The following WSB1 variants were observed in gnomAD, a reference collection of about 807,000 sequenced individuals.
The protein encoded by WSB1 is WD repeat and SOCS box containing 1, also known as WD repeat and SOCS box-containing protein 1.
WSB1 carries 23 observed loss-of-function variants against 50.2 expected under a neutral mutation model. The observed-to-expected ratio is 0.46, with a 90% CI of 0.33 to 0.65. WSB1 has a LOEUF of 0.65. Ranked by LOEUF, WSB1 falls within the 30% of genes least tolerant of loss-of-function variation. The pLI is 0.02. For synonymous variants in WSB1, 179 were observed against 172.0 expected (o/e 1.04, Z -0.32); for missense variants, 492 against 522.3 (o/e 0.94, Z 0.56).
chr17:27,309,918 A>C, intron 6 of WSB1, 143 bp from the exon 7 acceptor site: 1 of 627,580 alleles, frequency 1.6e-6, no homozygotes, highest in Non-Finnish European at 2.8e-6. Flanking sequence ...TTTAATTTGG[A>C]TGTATCATCT....
At position 27,312,357 on chromosome 17, in the gene WSB1, G is replaced by T. The variant is rs147568480; in HGVS notation, c.1254G>T (p.Ser418=). The change falls in exon 9 of 9, where the codon TCG becomes TCT. Residue 418 remains serine, a synonymous_variant. Coordinates refer to ENST00000262394, the MANE Select transcript of WSB1 (RefSeq NM_015626.10). ...CTTCCAAGCTTTTGGAGTTTCTCTC[G>T]TATCGTATTTAGAAGATTCTGCCTT... ...PIPSKLLEFL[S]YRI 6.2e-7 allele frequency: 1 copy of T among 1,613,938 alleles called. No homozygotes were observed. Among genetic ancestry groups the T allele is most frequent in the Non-Finnish European group, 8.5e-7 (1 of 1,179,994 alleles).
intron 5 of WSB1, chr17:27,308,411 A>G: frequency 4.1e-6 from 4 of 984,840 alleles, no homozygotes; most frequent in Non-Finnish European, 4.8e-6. Context: ...TTTATATTCA[A>G]ATGACTTATG....
chr17:27,305,236 G>T (rs1198921659), intron 4 of WSB1, among the ~76,000 whole-genome samples: 1 of 152,206 alleles, frequency 6.6e-6, no homozygotes, highest in Non-Finnish European at 1.5e-5. Context: ...TCCTCTTAGG[G>T]AGGGTTATTA....
intron 2 of WSB1, 170 bp downstream of exon 2, chr17:27,302,126 T>C: frequency 1.1e-6 from 1 of 927,516 alleles, no homozygotes; most frequent in East Asian, 3.3e-5. Context: ...AAAGAATTCT[T>C]TGGGCCGGGC....
chr17:27,313,607 A>G lies in WSB1; in HGVS notation c.*1238A>G, dbSNP rs2017773106. On this transcript the variant is annotated 3_prime_UTR_variant, in exon 9 of 9. Coordinates refer to ENST00000262394, the MANE Select transcript of WSB1 (RefSeq NM_015626.10). ...TTATATATTTTTGTTGAGTTTTTTAATTAAAGACTTGTAAAAAAAAAAAAC... is the reference window on the plus strand; with the variant it reads ...TTATATATTTTTGTTGAGTTTTTTAGTTAAAGACTTGTAAAAAAAAAAAAC... 6.7e-6 allele frequency: 1 copy of G among 149,746 alleles called. No homozygotes were observed. The allele number at this position is 149,746 out of a possible 1,614,324, so 9.3% of individuals were successfully genotyped here.
At chr17:27,299,536 A>T (rs943106178) in intron 1 of WSB1, among the ~76,000 whole-genome samples, 1 of 152,212 alleles carries the variant, frequency 6.6e-6, no homozygotes, top group Non-Finnish European at 1.5e-5. Context: ...TGTGACGGCT[A>T]GTAAAGTTAA....
chr17:27,303,768 AAT>A (rs1373078531), intron 3 of WSB1, 133 bp downstream of exon 3: 4 of 1,070,510 alleles, frequency 3.7e-6, no homozygotes, highest in Non-Finnish European at 5.3e-6. Context: ...GCGTCTTTAT[AAT>A]AGACCTGAAT....
chr17:27,294,686 T>A (rs2016874484), intron 1 of WSB1, among the ~76,000 whole-genome samples: 1 of 152,196 alleles, frequency 6.6e-6, no homozygotes, highest in African/African-American at 2.4e-5. Context: ...GACCCCGGTT[T>A]CTTCGTCGGA....
rs1286903786 is a variant in WSB1, at chr17:27,294,454, G to C, written c.40+19G>C. 1.2e-6 allele frequency: 2 copies of C among 1,612,550 alleles called. No homozygotes were observed. Among genetic ancestry groups the C allele is most frequent in the Non-Finnish European group, 1.7e-6 (2 of 1,179,112 alleles). On this transcript the variant is annotated intron_variant, in intron 1 of 8. Coordinates refer to ENST00000262394, the MANE Select transcript of WSB1 (RefSeq NM_015626.10). ...GAGATCGGTGAGGATTGGGACCGTG[G>C]GTGGGCGCATGAGGGCCGAGGAGAG...
chr17:27,309,786 T>C (rs1050737591), intron 6 of WSB1, among the ~76,000 whole-genome samples: 1 of 152,136 alleles, frequency 6.6e-6, no homozygotes, highest in Non-Finnish European at 1.5e-5. Flanking sequence ...TTTCACCATG[T>C]TGGTCAGGCT....
intron 5 of WSB1, chr17:27,308,162 A>G (rs2017532604): frequency 1.0e-6 from 1 of 1,001,884 alleles, no homozygotes; most frequent in Non-Finnish European, 1.2e-6. Context: ...TCAATTTAAA[A>G]TTTGTACTTA....
rs1245417427 is a variant in WSB1 at position 27,314,099 on chromosome 17, A to G, written c.*1730A>G. The G allele has an allele frequency of 3.3e-5, 5 of 152,176 alleles. No homozygotes were observed. The highest frequency in any genetic ancestry group is 3.3e-4 in the Admixed American group (5 of 15,280). 9.4% of individuals were successfully genotyped at this position (152,176 alleles called of 1,614,324 possible). A position where few individuals can be genotyped will look rare whatever the true frequency, so the allele number is the denominator to read the frequency against. ...TTCCTATGGTTAGCTCTGTTAAGGA[A>G]TGTAAAAATTTATAGGGGGTGTAGG... is the stretch of plus-strand genomic sequence containing the variant. On this transcript the variant is annotated 3_prime_UTR_variant, in exon 9 of 9. Coordinates refer to ENST00000262394, the MANE Select transcript of WSB1 (RefSeq NM_015626.10).
At chr17:27,309,927 C>T (rs991349590) in intron 6 of WSB1, 134 bp from the exon 7 acceptor site, 57 of 660,128 alleles carry the variant, frequency 8.6e-5, no homozygotes, top group Non-Finnish European at 2.6e-5. Flanking sequence ...GATGTATCAT[C>T]TCTACTGAGT....
At chr17:27,306,389 GT>G (rs965886623) in intron 4 of WSB1, among the ~76,000 whole-genome samples, 3 of 151,662 alleles carry the variant, frequency 2.0e-5, no homozygotes, top group African/African-American at 7.3e-5. Context: ...ATTTTTTAAT[GT>G]TTTTTAGTAG....
intron 1 of WSB1, among the ~76,000 whole-genome samples, chr17:27,296,881 A>C (rs976679403): frequency 1.2e-4 from 18 of 152,244 alleles, no homozygotes; most frequent in African/African-American, 4.3e-4. Flanking sequence ...CTTTATTACA[A>C]ACTTTGTGCT....
intron 5 of WSB1, chr17:27,307,605 G>A (rs2017512266): frequency 1.2e-6 from 1 of 801,274 alleles, no homozygotes; most frequent in South Asian, 1.9e-5. Flanking sequence ...ATGTTAAAAT[G>A]ATAGTTATAA....
At position 27,310,165 on chromosome 17, in the gene WSB1, CTGA is replaced by C. The variant is rs2150842687; in HGVS notation, c.994_996del (p.Asp332del). 1 of 1,613,740 alleles carries C rather than the reference CTGA, an allele frequency of 6.2e-7. No homozygotes were observed. On this transcript the variant is annotated inframe_deletion, in exon 7 of 9. Transcript: ENST00000262394. ...GATGGACTGCATGTTGCAAGCCTTG[CTGA>C]TGATAAGTAAGTATGTGCATTATAG...
At chr17:27,309,023 G>T in intron 5 of WSB1, 77 bp from the exon 6 acceptor site, 1 of 1,435,790 alleles carries the variant, frequency 7.0e-7, no homozygotes, top group Non-Finnish European at 9.2e-7. Flanking sequence ...ATTAAATTTA[G>T]CAGTTTTAGT....
intron 7 of WSB1, among the ~76,000 whole-genome samples, chr17:27,310,414 G>C (rs545541518): frequency 1.3e-5 from 2 of 150,086 alleles, no homozygotes; most frequent in South Asian, 4.4e-4. Flanking sequence ...TTTTTAGTCA[G>C]CTTTTAGCCC....
Sources: gnomAD v4.1 joint callset for allele counts (sites outside exome capture counted in the v4.1 genomes callset) on GRCh38, gnomAD v4.1.1 for gene constraint, MANE v1.5 for transcripts, NCBI Gene and HGNC (gene_info 2026-07-23, HGNC 2026-07-21) for gene names.